Variants in DLGAP2 observed in about 807,000 individuals in gnomAD.
DLGAP2 encodes the protein DLG associated protein 2.
Under a neutral mutation model 100.3 loss-of-function variants are expected in DLGAP2, and 26 were observed. The ratio of observed to expected loss-of-function variants is 0.26; its 90% CI spans 0.19 to 0.36. The LOEUF (loss-of-function observed/expected upper bound fraction) is 0.36. Ranked by LOEUF, DLGAP2 falls within the 10% of genes least tolerant of loss-of-function variation. The pLI is 1.00. For missense variants in DLGAP2, 1,858 were observed against 1,453.2 expected (o/e 1.28, Z -4.53); for synonymous variants, 886 against 630.1 (o/e 1.41, Z -6.08).
intron 3 of DLGAP2, among the ~76,000 whole-genome samples, chr8:1,267,616 G>A (rs61342213): frequency 0.61 from 57,383 of 94,676 alleles, 19,096 homozygotes; most frequent in East Asian, 0.68. Flanking sequence ...GATAAGATAA[G>A]ATAAGATAAA....
chr8:1,529,490 G>A (rs942938009), intron 4 of DLGAP2, among the ~76,000 whole-genome samples: 7 of 152,192 alleles, frequency 4.6e-5, no homozygotes, highest in Non-Finnish European at 1.0e-4. Context: ...AGAGCTGAGG[G>A]TTGGAGTGTT....
chr8:813,013 C>A (rs1251001743), intron 1 of DLGAP2, among the ~76,000 whole-genome samples: 2 of 152,148 alleles, frequency 1.3e-5, no homozygotes, highest in African/African-American at 4.8e-5. Flanking sequence ...AGTGACAAAA[C>A]GTGATAATAG....
At chr8:1,651,924 A>G (rs866939340) in intron 8 of DLGAP2, among the ~76,000 whole-genome samples, 11 of 152,188 alleles carry the variant, frequency 7.2e-5, no homozygotes, top group Middle Eastern at 3.2e-3. Flanking sequence ...CAGCCTTTGC[A>G]TGAGGCAGCA....
At chr8:1,005,687 T>C (rs2129019247) in intron 2 of DLGAP2, among the ~76,000 whole-genome samples, 2 of 152,148 alleles carry the variant, frequency 1.3e-5, no homozygotes, top group East Asian at 3.9e-4. Flanking sequence ...CCCAAAGTGC[T>C]GGTATTACAG....
intron 2 of DLGAP2, among the ~76,000 whole-genome samples, chr8:1,029,324 A>C (rs956968862): frequency 5.9e-5 from 9 of 152,214 alleles, no homozygotes; most frequent in African/African-American, 1.9e-4. Context: ...AACCTGGGAC[A>C]AATTTCCAAG....
At chr8:1,536,795 T>A (rs531876575) in intron 4 of DLGAP2, among the ~76,000 whole-genome samples, 1 of 152,216 alleles carries the variant, frequency 6.6e-6, no homozygotes, top group African/African-American at 2.4e-5. Flanking sequence ...TCTTTATTTT[T>A]ATTTCCATTC....
chr8:797,161 C>T (rs1025959035), intron 1 of DLGAP2, among the ~76,000 whole-genome samples: 1 of 152,162 alleles, frequency 6.6e-6, no homozygotes, highest in Non-Finnish European at 1.5e-5. Flanking sequence ...TAGTCACCAC[C>T]CAAGAAGAAG....
chr8:1,683,639 G>C, intron 12 of DLGAP2, among the ~76,000 whole-genome samples: 1 of 149,516 alleles, frequency 6.7e-6, no homozygotes, highest in African/African-American at 2.5e-5. Context: ...GGGAGGAAGA[G>C]AGGGAAGCAG....
chr8:1,316,930 C>G lies in DLGAP2; in HGVS notation c.106+58047C>G, dbSNP rs372575979. On this transcript the variant is annotated intron_variant, in intron 3 of 14. Coordinates refer to ENST00000637795, the MANE Select transcript of DLGAP2 (RefSeq NM_001346810.2). ...AGTGCAGCGTCTCTCCAACAGTGGT[C>G]TACACTCGAGACACTCGGCAGCGTT... 3.1e-4 allele frequency among the ~76,000 whole-genome samples: 33 copies of G among 106,558 alleles called. No individual in the cohort carries two copies. The East Asian group carries it at 7.4e-3, about 24-fold the overall frequency. The allele number at this position is 106,558 out of a possible 152,430, so 69.9% of individuals were successfully genotyped here. A position where few individuals can be genotyped will look rare whatever the true frequency, so the allele number is the denominator to read the frequency against.
chr8:1,336,567 C>T (rs865961927), intron 3 of DLGAP2, among the ~76,000 whole-genome samples: 21 of 152,204 alleles, frequency 1.4e-4, no homozygotes, highest in Middle Eastern at 6.3e-3. Flanking sequence ...GGGGTCTGGG[C>T]TTGGCACAAC....
At chr8:1,639,776 G>A (rs1464429914) in intron 8 of DLGAP2, among the ~76,000 whole-genome samples, 2 of 152,218 alleles carry the variant, frequency 1.3e-5, no homozygotes, top group Non-Finnish European at 2.9e-5. Flanking sequence ...AGCTTCTGGA[G>A]TTCTCTGCCG....
intron 6 of DLGAP2, among the ~76,000 whole-genome samples, chr8:1,614,326 T>C (rs1405340010): frequency 2.0e-5 from 3 of 152,142 alleles, no homozygotes; most frequent in Non-Finnish European, 4.4e-5. Context: ...GAATCTCACC[T>C]CAGAACTGAC....
intron 1 of DLGAP2, among the ~76,000 whole-genome samples, chr8:779,969 A>G (rs151235663): frequency 9.8e-4 from 149 of 152,310 alleles, no homozygotes; most frequent in African/African-American, 3.3e-3. Flanking sequence ...GCTAACTGAC[A>G]TACCTGTCAC....
At chr8:1,433,714 A>G (rs1168999217) in intron 3 of DLGAP2, among the ~76,000 whole-genome samples, 4 of 150,258 alleles carry the variant, frequency 2.7e-5, no homozygotes, top group South Asian at 2.1e-4. Context: ...ACTGAAGATA[A>G]ATACACAGAT....
chr8:985,938 T>G (rs1164273264), intron 2 of DLGAP2, among the ~76,000 whole-genome samples: 1 of 152,120 alleles, frequency 6.6e-6, no homozygotes, highest in Non-Finnish European at 1.5e-5. Flanking sequence ...GAAGATGCTC[T>G]TGGTGGAATA....
intron 2 of DLGAP2, among the ~76,000 whole-genome samples, chr8:1,221,347 T>G (rs1798310868): frequency 6.6e-6 from 1 of 152,222 alleles, no homozygotes; most frequent in Non-Finnish European, 1.5e-5. Flanking sequence ...TTTTTCTCCT[T>G]TACTTATGAA....
rs75021502 is a variant in DLGAP2 at position 1,391,641 on chromosome 8, A to T, written c.107-109725A>T. Among the ~76,000 whole-genome samples, 471 of 152,310 alleles carry T rather than the reference A, an allele frequency of 3.1e-3. 12 individuals carry two copies. The East Asian group carries it at 0.05, about 16-fold the overall frequency. ...GGGGCTGGGCAGGGGACTGCTCTAG[A>T]AGAGGAGATGGGTTCATAAAAGGTT... On this transcript the variant is annotated intron_variant, in intron 3 of 14. Transcript: ENST00000637795.
chr8:1,267,639 C>G lies in DLGAP2; in HGVS notation c.106+8756C>G, dbSNP rs1438078880. ...AAGATAAGATAAATATTAAATAGGTCTACAAAAAGGCCTCCAGGGTCAGCT... is the reference window on the plus strand; with the variant it reads ...AAGATAAGATAAATATTAAATAGGTGTACAAAAAGGCCTCCAGGGTCAGCT... On this transcript the variant is annotated intron_variant, in intron 3 of 14. Transcript: ENST00000637795. Among the ~76,000 whole-genome samples, 46 of 121,228 alleles carry G rather than the reference C, an allele frequency of 3.8e-4. 4 individuals carry two copies. Among genetic ancestry groups the G allele is most frequent in the African/African-American group, 1.4e-3 (43 of 31,030 alleles). The allele number at this position is 121,228 out of a possible 152,430, so 79.5% of individuals were successfully genotyped here.
At chr8:1,364,716 G>C (rs979618537) in intron 3 of DLGAP2, among the ~76,000 whole-genome samples, 1 of 152,224 alleles carries the variant, frequency 6.6e-6, no homozygotes, top group Admixed American at 6.5e-5. Context: ...TTGCGTGGGG[G>C]AGACAGGCCC....
Sources: allele counts gnomAD v4.1 joint callset (sites outside exome capture counted in the v4.1 genomes callset), GRCh38; gene constraint gnomAD v4.1.1; transcripts MANE v1.5; gene names NCBI Gene and HGNC (gene_info 2026-07-23, HGNC 2026-07-21).